The following FHIT variants were observed in gnomAD, a reference collection of about 807,000 sequenced individuals.
FHIT encodes bis(5'-adenosyl)-triphosphatase.
A neutral mutation model predicts 17.9 loss-of-function variants in FHIT; 19 were observed. That is an observed-to-expected ratio of 1.06 (90% CI 0.74 to 1.56). The LOEUF (loss-of-function observed/expected upper bound fraction) is 1.56. Ranked by LOEUF, FHIT falls within the 40% of genes most tolerant of loss-of-function variation. FHIT has a pLI of 0.00. For missense variants in FHIT, 248 were observed against 189.2 expected (o/e 1.31, Z -1.82); for synonymous variants, 81 against 69.7 (o/e 1.16, Z -0.81).
intron 5 of FHIT, among the ~76,000 whole-genome samples, chr3:60,452,600 G>A (rs546124648): frequency 2.0e-5 from 3 of 152,120 alleles, no homozygotes; most frequent in Non-Finnish European, 4.4e-5. Flanking sequence ...GAATGTCAAT[G>A]GATAATTCTA....
At chr3:60,673,597 G>A (rs2040557602) in intron 4 of FHIT, among the ~76,000 whole-genome samples, 1 of 151,986 alleles carries the variant, frequency 6.6e-6, no homozygotes, top group African/African-American at 2.4e-5. Flanking sequence ...CTAGGTGATG[G>A]TTTGATAGGT....
At chr3:60,617,420 C>T (rs187702484) in intron 4 of FHIT, 66 of 173,690 alleles carry the variant, frequency 3.8e-4, no homozygotes, top group African/African-American at 1.5e-3. Flanking sequence ...TCTGAATAAA[C>T]AGATGGTTAA....
At chr3:60,199,144 A>C (rs1010162991) in intron 5 of FHIT, among the ~76,000 whole-genome samples, 2 of 152,148 alleles carry the variant, frequency 1.3e-5, no homozygotes, top group African/African-American at 4.8e-5. Flanking sequence ...AAAGCCAGGT[A>C]CTAAAAATTA....
chr3:60,265,983 T>A (rs1706555327), intron 5 of FHIT, among the ~76,000 whole-genome samples: 1 of 151,972 alleles, frequency 6.6e-6, no homozygotes, highest in Non-Finnish European at 1.5e-5. Flanking sequence ...ATGATGCATC[T>A]AATTTATTAT....
At position 60,190,915 on chromosome 3, in the gene FHIT, C is replaced by G. The variant is rs183661798; in HGVS notation, c.104-176763G>C. On this transcript the variant is annotated intron_variant, in intron 5 of 9. Transcript: ENST00000492590. The stretch of plus-strand genomic sequence containing the variant: ...CCGAGATTGCACCCTTGCACTCCAG[C>G]CTGAGCAACAGAGTGAGACTCCATC... 3.3e-5 allele frequency among the ~76,000 whole-genome samples: 5 copies of G among 152,050 alleles called. No homozygotes were observed. In the East Asian group the frequency reaches 9.7e-4, roughly 29 times the overall value.
chr3:60,027,146 C>CAA lies in FHIT; in HGVS notation c.104-12995_104-12994insTT, dbSNP rs397947401. Among the ~76,000 whole-genome samples, 62 of 122,894 alleles carry CAA rather than the reference C, an allele frequency of 5.0e-4. 2 individuals carry two copies. The highest frequency in any genetic ancestry group is 1.3e-3 in the African/African-American group (43 of 33,914). The allele number at this position is 122,894 out of a possible 152,430, so 80.6% of individuals were successfully genotyped here. A position where few individuals can be genotyped will look rare whatever the true frequency, so the allele number is the denominator to read the frequency against. On this transcript the variant is annotated intron_variant, in intron 5 of 9. Coordinates refer to ENST00000492590, the MANE Select transcript of FHIT (RefSeq NM_002012.4). ...ACACACACACACACACACACACACA[C>CAA]ACAAAATTAGTAAACCCAATAATCC...
chr3:59,877,421 C>T (rs1366759422), intron 8 of FHIT, among the ~76,000 whole-genome samples: 1 of 152,144 alleles, frequency 6.6e-6, no homozygotes, highest in Non-Finnish European at 1.5e-5. Flanking sequence ...ATGGAACAAC[C>T]TCTGCGACAT....
At chr3:60,128,795 C>G (rs1223712264) in intron 5 of FHIT, among the ~76,000 whole-genome samples, 1 of 152,166 alleles carries the variant, frequency 6.6e-6, no homozygotes, top group African/African-American at 2.4e-5. Context: ...GAACACTGCA[C>G]AGGTGAACAG....
chr3:60,889,337 T>C (rs1553760060), intron 3 of FHIT, among the ~76,000 whole-genome samples: 2 of 152,234 alleles, frequency 1.3e-5, no homozygotes, highest in African/African-American at 4.8e-5. Context: ...GCGCTCACCA[T>C]TGTTCCATCT....
intron 2 of FHIT, among the ~76,000 whole-genome samples, chr3:61,144,418 GCCATTTTTGTTTAT>G (rs1349097411): frequency 2.6e-5 from 4 of 152,162 alleles, no homozygotes. Context: ...ATAGGAATAT[GCCATTTTTGTTTAT>G]CCATTCATTG....
At chr3:59,937,244 T>G (rs1214495380) in intron 7 of FHIT, among the ~76,000 whole-genome samples, 1 of 152,190 alleles carries the variant, frequency 6.6e-6, no homozygotes, top group African/African-American at 2.4e-5. Flanking sequence ...CATGATGACA[T>G]ATTTCTTTTT....
intron 5 of FHIT, among the ~76,000 whole-genome samples, chr3:60,144,566 T>C (rs1700161514): frequency 6.6e-6 from 1 of 152,182 alleles, no homozygotes; most frequent in South Asian, 2.1e-4. Flanking sequence ...TTGAACATTT[T>C]CTCAGTTAAC....
At chr3:60,451,970 C>A (rs2031776906) in intron 5 of FHIT, among the ~76,000 whole-genome samples, 1 of 152,160 alleles carries the variant, frequency 6.6e-6, no homozygotes, top group Non-Finnish European at 1.5e-5. Context: ...AAATCCGAGC[C>A]ACAATTCAGT....
chr3:60,317,415 C>A (rs115333582), intron 5 of FHIT, among the ~76,000 whole-genome samples: 3,362 of 151,828 alleles, frequency 0.022, 125 homozygotes, highest in African/African-American at 0.077. Flanking sequence ...CTCTGATGCT[C>A]ATCACATTTT....
chr3:60,129,640 G>A (rs1699445947), intron 5 of FHIT, among the ~76,000 whole-genome samples: 1 of 152,028 alleles, frequency 6.6e-6, no homozygotes, highest in Non-Finnish European at 1.5e-5. Flanking sequence ...TACTATAAGT[G>A]AATTTACTTT....
At chr3:59,898,251 T>C (rs937718025) in intron 8 of FHIT, among the ~76,000 whole-genome samples, 2 of 152,200 alleles carry the variant, frequency 1.3e-5, no homozygotes, top group Non-Finnish European at 2.9e-5. Context: ...TAAACAAATT[T>C]TGTGTTTAGA....
At chr3:60,554,876 T>C (rs2036690930) in intron 4 of FHIT, among the ~76,000 whole-genome samples, 1 of 152,244 alleles carries the variant, frequency 6.6e-6, no homozygotes, top group Non-Finnish European at 1.5e-5. Flanking sequence ...ATGCTGCTCA[T>C]AGGTTTTTGC....
rs1209036016 is a variant in FHIT at position 59,851,906 on chromosome 3, G to C, written c.348+70440C>G. On this transcript the variant is annotated intron_variant, in intron 8 of 9. Coordinates refer to ENST00000492590, the MANE Select transcript of FHIT (RefSeq NM_002012.4). ...ACTAGTAAGAAGGTCCCAATTAAGA[G>C]AAAAAGAGTAGTCACACATACCTGT... is the stretch of plus-strand genomic sequence containing the variant. Among the ~76,000 whole-genome samples the C allele has an allele frequency of 3.3e-5, 5 of 152,294 alleles. No individual in the cohort carries two copies. The East Asian group carries it at 9.6e-4, about 29-fold the overall frequency.
At chr3:60,021,880 T>C (rs1359034891) in intron 5 of FHIT, among the ~76,000 whole-genome samples, 2 of 152,144 alleles carry the variant, frequency 1.3e-5, no homozygotes, top group African/African-American at 2.4e-5. Flanking sequence ...GATGCTGTTA[T>C]ACATTATACA....
Sources: gnomAD v4.1 joint callset for allele counts (sites outside exome capture counted in the v4.1 genomes callset) on GRCh38, gnomAD v4.1.1 for gene constraint, MANE v1.5 for transcripts, NCBI Gene and HGNC (gene_info 2026-07-23, HGNC 2026-07-21) for gene names.